KCNU1: variants seen among roughly 807,000 people sequenced by gnomAD.
KCNU1 encodes the protein potassium channel subfamily U member 1.
KCNU1 carries 93 observed loss-of-function variants against 126.8 expected under a neutral mutation model. The observed-to-expected ratio is 0.73, with a 90% CI of 0.62 to 0.87. KCNU1 has a LOEUF of 0.87. Among genes scored for constraint, KCNU1 ranks in the 40% least tolerant of loss-of-function variants. The pLI is 0.00. For missense variants in KCNU1, 1,330 were observed against 1,367.1 expected (o/e 0.97, Z 0.43); for synonymous variants, 523 against 494.2 (o/e 1.06, Z -0.77).
intron 26 of KCNU1, among the ~76,000 whole-genome samples, chr8:36,934,278 A>T (rs551096880): frequency 6.6e-6 from 1 of 152,242 alleles, no homozygotes; most frequent in Non-Finnish European, 1.5e-5. Context: ...CACTGTAGGC[A>T]TGTAAAAAGA....
At chr8:36,918,527 TCTCGG>T (rs1290855476) in intron 22 of KCNU1, among the ~76,000 whole-genome samples, 2 of 150,964 alleles carry the variant, frequency 1.3e-5, no homozygotes, top group Non-Finnish European at 2.9e-5. Context: ...TGTACTCCAA[TCTCGG>T]TGATGGAGCA....
At chr8:36,871,935 TA>T (rs1401016682) in intron 19 of KCNU1, among the ~76,000 whole-genome samples, 4 of 152,194 alleles carry the variant, frequency 2.6e-5, no homozygotes, top group Non-Finnish European at 5.9e-5. Flanking sequence ...AGACCAACTC[TA>T]TAAGACAAAG....
rs201563157 is a variant in KCNU1 at position 36,858,305 on chromosome 8, A to T, written c.1892-6099A>T. 3.2e-3 allele frequency among the ~76,000 whole-genome samples: 473 copies of T among 149,694 alleles called. 4 individuals are homozygous for T. The highest frequency in any genetic ancestry group is 6.4e-3 in the African/African-American group (263 of 40,900). On this transcript the variant is annotated intron_variant, in intron 18 of 26. Transcript: ENST00000399881. ...CTGAATCTGAAGATTATTTTTTTTT[A>T]AAATGTCTTCAAGACTTTATTTTGG...
intron 18 of KCNU1, among the ~76,000 whole-genome samples, chr8:36,852,204 A>G (rs925715577): frequency 1.3e-5 from 2 of 152,080 alleles, no homozygotes; most frequent in Non-Finnish European, 2.9e-5. Context: ...CTCACCTTGT[A>G]TTTCTGAGAG....
chr8:36,922,446 T>C (rs1808388599), intron 23 of KCNU1, 44 bp from the exon 24 acceptor site: 1 of 1,589,786 alleles, frequency 6.3e-7, no homozygotes. Context: ...CTTATATTCT[T>C]AACCTGATCT....
chr8:36,886,644 CTT>C (rs1189405303), intron 19 of KCNU1, among the ~76,000 whole-genome samples: 1 of 152,034 alleles, frequency 6.6e-6, no homozygotes, highest in Admixed American at 6.6e-5. Flanking sequence ...GGGGTGGAGA[CTT>C]AATATTTTTT....
chr8:36,831,913 A>C (rs1027216855), intron 10 of KCNU1, among the ~76,000 whole-genome samples: 8 of 152,222 alleles, frequency 5.3e-5, no homozygotes, highest in African/African-American at 1.9e-4. Context: ...TAAGTCTTTA[A>C]TCCGTCTTGA....
chr8:36,850,053 A>G (rs763620298), intron 18 of KCNU1, among the ~76,000 whole-genome samples: 3 of 152,104 alleles, frequency 2.0e-5, no homozygotes, highest in African/African-American at 7.2e-5. Flanking sequence ...TATGGTTTTG[A>G]TCTAAATTTT....
intron 7 of KCNU1, among the ~76,000 whole-genome samples, chr8:36,811,515 G>C (rs1231667364): frequency 6.6e-6 from 1 of 152,164 alleles, no homozygotes; most frequent in Non-Finnish European, 1.5e-5. Flanking sequence ...GTCATTTTAA[G>C]CATGCAAGGG....
At chr8:36,829,460 T>C (rs1348313030) in intron 10 of KCNU1, among the ~76,000 whole-genome samples, 3 of 151,842 alleles carry the variant, frequency 2.0e-5, no homozygotes, top group Non-Finnish European at 2.9e-5. Flanking sequence ...ATGGGGTTTA[T>C]AGAGTGACAA....
At chr8:36,827,213 G>A (rs1348112535) in intron 10 of KCNU1, among the ~76,000 whole-genome samples, 2 of 152,156 alleles carry the variant, frequency 1.3e-5, no homozygotes, top group African/African-American at 2.4e-5. Flanking sequence ...TCTAATCCAA[G>A]CTCAATGCTT....
At chr8:36,870,918 G>T (rs1037902947) in intron 19 of KCNU1, among the ~76,000 whole-genome samples, 1 of 152,024 alleles carries the variant, frequency 6.6e-6, no homozygotes, top group African/African-American at 2.4e-5. Context: ...GAGTCCCATT[G>T]GCACTTATGT....
At chr8:36,891,034 C>T (rs191961011) in intron 19 of KCNU1, among the ~76,000 whole-genome samples, 14 of 151,624 alleles carry the variant, frequency 9.2e-5, no homozygotes, top group Admixed American at 6.6e-4. Context: ...TCTATTTATA[C>T]CTAAATTGAT....
chr8:36,917,334 C>T (rs2117562591), intron 22 of KCNU1, among the ~76,000 whole-genome samples: 1 of 150,340 alleles, frequency 6.7e-6, no homozygotes, highest in South Asian at 2.1e-4. Context: ...ACCCTATTTT[C>T]CCATTTTCCC....
chr8:36,845,783 G>A lies in KCNU1; in HGVS notation c.1794-19G>A. 1 of 1,577,788 alleles carries A rather than the reference G, an allele frequency of 6.3e-7. No individual in the cohort carries two copies. The highest frequency in any genetic ancestry group is 8.7e-7 in the Non-Finnish European group (1 of 1,148,572). Reference sequence around the variant, plus strand: ...TTAAGACTCACATAATTCATTCTTGGTTTTCTTTCATTGTCCAGAGCCTTG... The same window carrying A: ...TTAAGACTCACATAATTCATTCTTGATTTTCTTTCATTGTCCAGAGCCTTG... On this transcript the variant is annotated intron_variant, in intron 17 of 26. Coordinates refer to ENST00000399881, the MANE Select transcript of KCNU1 (RefSeq NM_001031836.3).
intron 22 of KCNU1, among the ~76,000 whole-genome samples, chr8:36,917,546 A>C (rs577588004): frequency 6.6e-6 from 1 of 151,132 alleles, no homozygotes; most frequent in Non-Finnish European, 1.5e-5. Flanking sequence ...TGTAGAGAAC[A>C]GGTCTCTCTA....
intron 19 of KCNU1, among the ~76,000 whole-genome samples, chr8:36,899,220 A>G (rs112179805): frequency 6.6e-6 from 1 of 152,166 alleles, no homozygotes; most frequent in African/African-American, 2.4e-5. Flanking sequence ...TAGAAACTCT[A>G]TCCTAGTCTT....
At chr8:36,859,839 C>G (rs971307844) in intron 18 of KCNU1, among the ~76,000 whole-genome samples, 1 of 152,042 alleles carries the variant, frequency 6.6e-6, no homozygotes, top group Non-Finnish European at 1.5e-5. Context: ...TTGCATATCT[C>G]AGAAGGTTAA....
In KCNU1 at chr8:36,882,874, G is replaced by A. The variant is rs564870067; in HGVS notation, c.2009+18353G>A. ...CTGGGATTACAGGCGTGAGCCACCA[G>A]GCCCACCCGCCACATTTGTTTAACT... On this transcript the variant is annotated intron_variant, in intron 19 of 26. Coordinates refer to ENST00000399881, the MANE Select transcript of KCNU1 (RefSeq NM_001031836.3). Among the ~76,000 whole-genome samples, 5 of 152,120 alleles carry A rather than the reference G, an allele frequency of 3.3e-5. No homozygotes were observed. The South Asian group carries it at 1.0e-3, about 32-fold the overall frequency.
Sources: gnomAD v4.1 joint callset for allele counts (sites outside exome capture counted in the v4.1 genomes callset) on GRCh38, gnomAD v4.1.1 for gene constraint, MANE v1.5 for transcripts, NCBI Gene and HGNC (gene_info 2026-07-23, HGNC 2026-07-21) for gene names.